Variants in BIRC6 observed in about 807,000 individuals in gnomAD.
BIRC6 encodes the protein baculoviral IAP repeat containing 6.
Under a neutral mutation model 503.3 loss-of-function variants are expected in BIRC6, and 98 were observed. The ratio of observed to expected loss-of-function variants is 0.19; its 90% CI spans 0.17 to 0.23. BIRC6 has a LOEUF of 0.23. BIRC6 is among the 10% of genes least tolerant of loss of function. BIRC6 has a pLI of 1.00. For synonymous variants in BIRC6, 2,240 were observed against 2,078.7 expected (o/e 1.08, Z -2.11); for missense variants, 5,360 against 5,806.0 (o/e 0.92, Z 2.50).
At chr2:32,391,980 A>G in intron 4 of BIRC6, 59 bp from the exon 5 acceptor site, 2 of 1,138,340 alleles carry the variant, frequency 1.8e-6, no homozygotes, top group Non-Finnish European at 2.5e-6. Context: ...ATTGTTAAAT[A>G]GAAGTTTCAC....
intron 10 of BIRC6, among the ~76,000 whole-genome samples, chr2:32,417,672 T>C (rs1482410083): frequency 1.3e-5 from 2 of 152,188 alleles, no homozygotes; most frequent in Non-Finnish European, 2.9e-5. Flanking sequence ...AATTAGACTG[T>C]TTTTCCTCTC....
rs2048968141 is a variant in BIRC6, at chr2:32,470,205, C to G, written c.6385C>G (p.Leu2129Val). 6.4e-7 allele frequency: 1 copy of G among 1,570,572 alleles called. No individual in the cohort carries two copies. Among genetic ancestry groups the G allele is most frequent in the South Asian group, 1.2e-5 (1 of 85,156 alleles). ...ACTTTCCTGCATTGGTCAAAGATCACTTAGTAATAGTGGAGTATTAGAAAG... is the reference window on the plus strand; with the variant it reads ...ACTTTCCTGCATTGGTCAAAGATCAGTTAGTAATAGTGGAGTATTAGAAAG... ...MLLSCIGQRS[L>V]SNSGVLESLL... Residue 2129 changes from leucine to valine, a missense_variant, in exon 31 of 74, where the codon CTT becomes GTT. By Grantham distance (32) the Leu-to-Val change is conservative. Around this residue, in one of 16 missense-constraint regions of BIRC6, gnomAD observed 2,299 missense variants for 2,267.2 expected, o/e 1.01. Coordinates refer to ENST00000421745, the MANE Select transcript of BIRC6 (RefSeq NM_016252.4).
Position 32,617,966 on chromosome 2 carries a change from A to G in BIRC6, c.*62A>G. The G allele has an allele frequency of 6.8e-7, 1 of 1,477,474 alleles. No individual in the cohort carries two copies. Among genetic ancestry groups the G allele is most frequent in the Non-Finnish European group, 9.2e-7 (1 of 1,088,964 alleles). The allele number at this position is 1,477,474 out of a possible 1,614,324, so 91.5% of individuals were successfully genotyped here. On this transcript the variant is annotated 3_prime_UTR_variant, in exon 74 of 74. Transcript: ENST00000421745. ...CGAAGCACAAGCCAAATATGTCAAT[A>G]TTTGTATGTAAGAAACTAATTATGT...
At chr2:32,489,730 T>A (rs1057082052) in intron 42 of BIRC6, among the ~76,000 whole-genome samples, 1 of 152,052 alleles carries the variant, frequency 6.6e-6, no homozygotes, top group African/African-American at 2.4e-5. Flanking sequence ...TTTTGTAGAG[T>A]GTGAGGATTT....
rs1405036858 is a variant in BIRC6, at chr2:32,503,220, T to C, written c.9483T>C (p.His3161=). 1.2e-6 allele frequency: 2 copies of C among 1,608,294 alleles called. No homozygotes were observed. The highest frequency in any genetic ancestry group is 1.7e-6 in the Non-Finnish European group (2 of 1,178,062). Reference sequence around the variant, plus strand: ...AGCCTGACAATGCTGAAGGGATTCATAACTTTGCACCCCTCGGTAAGAAAA... The same window carrying C: ...AGCCTGACAATGCTGAAGGGATTCACAACTTTGCACCCCTCGGTAAGAAAA... ...ASEPDNAEGI[H]NFAPLGTITS... is the part of the protein sequence containing the mutation. Residue 3161 remains histidine, a synonymous_variant, in exon 49 of 74, where the codon CAT becomes CAC. Coordinates refer to ENST00000421745, the MANE Select transcript of BIRC6 (RefSeq NM_016252.4).
Position 32,467,506 on chromosome 2 carries a change from TTTC to T in BIRC6, c.5357-13_5357-11del, listed in dbSNP as rs1303676822. 2 of 1,604,354 alleles carry T rather than the reference TTTC, an allele frequency of 1.2e-6. No individual in the cohort carries two copies. The highest frequency in any genetic ancestry group is 1.7e-6 in the Non-Finnish European group (2 of 1,171,966). ...TAATTGATATATTTTTGGTCAACTG[TTTC>T]TTCTTTCTCTCATAGGAGCAAGAAG... On this transcript the variant is annotated splice_polypyrimidine_tract_variant and intron_variant, in intron 26 of 73. Transcript: ENST00000421745.
At position 32,545,670 on chromosome 2, in the gene BIRC6, A is replaced by G. The variant is rs140521884; in HGVS notation, c.12620A>G (p.Asn4207Ser). Reference sequence around the variant, plus strand: ...CATATTCTTCAATCTCCATCAGCCAATGTGCTTCCAACCCTTCCTTTCCAC... The same window carrying G: ...CATATTCTTCAATCTCCATCAGCCAGTGTGCTTCCAACCCTTCCTTTCCAC... The part of the protein sequence containing the change: ...GSHILQSPSA[N>S]VLPTLPFHVL... Residue 4207 changes from asparagine (N) to serine (S), a missense_variant, in exon 63 of 74, where the codon AAT (asparagine) becomes AGT (serine). Physicochemically the swap from Asn to Ser is conservative, Grantham distance 46. Coordinates refer to ENST00000421745, the MANE Select transcript of BIRC6 (RefSeq NM_016252.4). 1.1e-4 allele frequency: 176 copies of G among 1,613,728 alleles called. 1 individual carries two copies. The African/African-American group carries it at 1.8e-3, about 17-fold the overall frequency.
At position 32,357,935 on chromosome 2, in the gene BIRC6, A is replaced by G. The variant is rs1026866531; in HGVS notation, c.325+449A>G. Among the ~76,000 whole-genome samples the G allele has an allele frequency of 2.0e-5, 3 of 151,750 alleles. No individual in the cohort carries two copies. The highest frequency in any genetic ancestry group is 2.0e-4 in the Admixed American group (3 of 15,232). ...GGGGCGGGGAGCGTCTGAGCCGGCAACCAAGCCCTCCCTTGTGGGAGAGGA... is the reference window on the plus strand; with the variant it reads ...GGGGCGGGGAGCGTCTGAGCCGGCAGCCAAGCCCTCCCTTGTGGGAGAGGA... On this transcript the variant is annotated intron_variant, in intron 1 of 73. Coordinates refer to ENST00000421745, the MANE Select transcript of BIRC6 (RefSeq NM_016252.4). This position sits in a 1 kb window ranked among gnomAD's most constrained non-coding sequence, Gnocchi z 4.9.
rs764653530 is a variant in BIRC6 at position 32,463,277 on chromosome 2, G to T, written c.4837G>T (p.Ala1613Ser). 1.2e-6 allele frequency: 2 copies of T among 1,613,756 alleles called. No individual in the cohort carries two copies. The highest frequency in any genetic ancestry group is 2.2e-5 in the South Asian group (2 of 91,008). The change falls in exon 24 of 74, where the codon GCC (alanine) becomes TCC (serine). Residue 1613 changes from alanine (A) to serine (S), a missense_variant. This residue lies in a region of BIRC6 where 2,299 missense variants were observed against 2,267.2 expected (regional missense o/e 1.01). Coordinates refer to ENST00000421745, the MANE Select transcript of BIRC6 (RefSeq NM_016252.4). ...AGCCTCGACAGCCCTGAGTTCAGCA[G>T]CCCAGGTAGCTTTGCAGTCTCTCTC... ...GEASTALSSA[A>S]QVALQSLSHA...
intron 45 of BIRC6, among the ~76,000 whole-genome samples, chr2:32,496,608 G>A (rs1349469496): frequency 6.6e-6 from 1 of 152,056 alleles, no homozygotes; most frequent in Non-Finnish European, 1.5e-5. Flanking sequence ...TTCCCTTACA[G>A]TATTTTTTGA....
At chr2:32,381,027 T>C (rs1442587542) in intron 3 of BIRC6, among the ~76,000 whole-genome samples, 1 of 152,148 alleles carries the variant, frequency 6.6e-6, no homozygotes, top group Non-Finnish European at 1.5e-5. Flanking sequence ...AATCCTTGGG[T>C]ATATTTTTAT....
chr2:32,509,784 G>A lies in BIRC6; in HGVS notation c.10027G>A (p.Asp3343Asn), dbSNP rs2054214546. 6.2e-7 allele frequency: 1 copy of A among 1,613,976 alleles called. No homozygotes were observed. Among genetic ancestry groups the A allele is most frequent in the African/African-American group, 1.3e-5 (1 of 75,040 alleles). ...LLHHCLTHIS[D>N]LEGMMASAAA... is the part of the protein sequence containing the mutation. ...ACATCATTGCCTTACTCACATAAGT[G>A]ATCTAGAAGGAATGATGGCAAGTGC... Residue 3343 changes from aspartate to asparagine, a missense_variant, in exon 52 of 74, where the codon GAT (aspartate) becomes AAT (asparagine). By Grantham distance (23) the Asp-to-Asn change is conservative. This residue lies in a region of BIRC6 where 878 missense variants were observed against 928.9 expected (regional missense o/e 0.95). Coordinates refer to ENST00000421745, the MANE Select transcript of BIRC6 (RefSeq NM_016252.4).
At chr2:32,446,039 A>G (rs955282044) in intron 21 of BIRC6, among the ~76,000 whole-genome samples, 6 of 152,004 alleles carry the variant, frequency 3.9e-5, no homozygotes, top group Admixed American at 3.3e-4. Flanking sequence ...TATGTTTAGT[A>G]GAGACGGGGT....
intron 65 of BIRC6, among the ~76,000 whole-genome samples, chr2:32,555,121 C>T (rs1020718777): frequency 3.9e-5 from 6 of 152,054 alleles, no homozygotes; most frequent in African/African-American, 9.7e-5. Context: ...GTCGAGCTGT[C>T]GTAACATGAT....
chr2:32,555,991 T>C (rs946308907), intron 65 of BIRC6, among the ~76,000 whole-genome samples: 3 of 151,758 alleles, frequency 2.0e-5, no homozygotes, highest in African/African-American at 7.3e-5. Context: ...AGTATTTTAA[T>C]ATGGCTCTAG....
chr2:32,579,574 A>G (rs531004786), intron 66 of BIRC6, among the ~76,000 whole-genome samples: 1 of 152,136 alleles, frequency 6.6e-6, no homozygotes, highest in Admixed American at 6.5e-5. Context: ...CTGTAGTCCT[A>G]GCTGCTCAGG....
At chr2:32,564,387 T>G (rs1346551281) in intron 65 of BIRC6, 1 of 152,186 alleles carries the variant, frequency 6.6e-6, no homozygotes, top group Non-Finnish European at 1.5e-5. Context: ...TGTCTATTTG[T>G]TTTTGCATTT....
At chr2:32,580,052 C>T (rs1160244729) in intron 66 of BIRC6, among the ~76,000 whole-genome samples, 1 of 149,710 alleles carries the variant, frequency 6.7e-6, no homozygotes, top group East Asian at 2.0e-4. Context: ...CTCCTGGTTT[C>T]AAGCAATTCT....
rs377302355 is a variant in BIRC6, at chr2:32,505,117, G to A, written c.9612G>A (p.Glu3204=). The change falls in exon 50 of 74, where the codon GAG becomes GAA. Residue 3204 remains glutamate (E), a synonymous_variant. Transcript: ENST00000421745. ...SAAWSYIFLP[E]EAWCDLTIHL... ...CTTGGTCCTACATCTTTCTTCCAGA[G>A]GAGGCTTGGTGTGACCTTACCATTC... 6.2e-7 allele frequency: 1 copy of A among 1,609,064 alleles called. No homozygotes were observed. Among genetic ancestry groups the A allele is most frequent in the Middle Eastern group, 1.7e-4 (1 of 6,056 alleles).
Sources: allele counts gnomAD v4.1 joint callset (sites outside exome capture counted in the v4.1 genomes callset), GRCh38; gene constraint gnomAD v4.1.1; regional missense constraint gnomAD v4.1.1; non-coding constraint Gnocchi (gnomAD v3.1); transcripts MANE v1.5; gene names NCBI Gene and HGNC (gene_info 2026-07-23, HGNC 2026-07-21).